The following PELI2 variants were observed in gnomAD, a reference collection of about 807,000 sequenced individuals.
PELI2 encodes the protein pellino E3 ubiquitin protein ligase family member 2, also known as E3 ubiquitin-protein ligase pellino homolog 2.
A neutral mutation model predicts 42.3 loss-of-function variants in PELI2; 23 were observed. The ratio of observed to expected loss-of-function variants is 0.54; its 90% CI spans 0.39 to 0.77. PELI2 has a LOEUF of 0.77. PELI2 is among the 30% of genes least tolerant of loss of function. The pLI is 0.00. For missense variants in PELI2, 463 were observed against 553.2 expected, an observed-to-expected ratio of 0.84 and a Z score of 1.64; for synonymous variants, 245 against 212.2, an observed-to-expected ratio of 1.15 and a Z score of -1.34.
At chr14:56,233,361 A>G (rs184258818) in intron 2 of PELI2, among the ~76,000 whole-genome samples, 19 of 152,222 alleles carry the variant, frequency 1.2e-4, no homozygotes, top group Non-Finnish European at 1.2e-4. Context: ...ACTGTACTAC[A>G]AGTTTACAGT....
chr14:56,208,421 T>G (rs1437528106), intron 2 of PELI2, among the ~76,000 whole-genome samples: 1 of 152,244 alleles, frequency 6.6e-6, no homozygotes, highest in African/African-American at 2.4e-5. Context: ...GTATTTCTAT[T>G]TCACTGGAAG....
At chr14:56,274,382 T>G (rs1040712626) in intron 2 of PELI2, among the ~76,000 whole-genome samples, 1 of 152,240 alleles carries the variant, frequency 6.6e-6, no homozygotes, top group Non-Finnish European at 1.5e-5. Context: ...GCTTTCACTT[T>G]GTGGTTGAGA....
chr14:56,267,070 G>C (rs1594699015), intron 2 of PELI2, among the ~76,000 whole-genome samples: 1 of 152,074 alleles, frequency 6.6e-6, no homozygotes, highest in Admixed American at 6.5e-5. Context: ...GGCTTTCTTA[G>C]TGATAGAAGA....
At chr14:56,223,324 G>A (rs530005659) in intron 2 of PELI2, among the ~76,000 whole-genome samples, 67 of 152,268 alleles carry the variant, frequency 4.4e-4, no homozygotes, top group African/African-American at 1.6e-3. Flanking sequence ...TGCTCTCTGG[G>A]AGAAGGACTT....
chr14:56,241,738 G>A (rs1230320492), intron 2 of PELI2, among the ~76,000 whole-genome samples: 1 of 152,056 alleles, frequency 6.6e-6, no homozygotes, highest in African/African-American at 2.4e-5. Flanking sequence ...TAAACGATCG[G>A]GAATCAAATA....
At chr14:56,220,982 T>C (rs907520949) in intron 2 of PELI2, among the ~76,000 whole-genome samples, 1 of 152,140 alleles carries the variant, frequency 6.6e-6, no homozygotes, top group Admixed American at 6.5e-5. Context: ...CACATAGCCC[T>C]CGTTTATAAG....
intron 2 of PELI2, among the ~76,000 whole-genome samples, chr14:56,224,212 C>T (rs1887258533): frequency 6.6e-6 from 1 of 152,138 alleles, no homozygotes; most frequent in African/African-American, 2.4e-5. Flanking sequence ...TTCAGGTGTC[C>T]ATCTTCAGTT....
At chr14:56,184,282 AT>A (rs1311345226) in intron 2 of PELI2, among the ~76,000 whole-genome samples, 3 of 152,084 alleles carry the variant, frequency 2.0e-5, no homozygotes, top group African/African-American at 7.2e-5. Flanking sequence ...GGACAGATTT[AT>A]TTGACAAATA....
In PELI2 at chr14:56,180,596, A is replaced by T. The variant is rs1460406009; in HGVS notation, c.207+2132A>T. 6.6e-6 allele frequency among the ~76,000 whole-genome samples: 1 copy of T among 152,204 alleles called. No homozygotes were observed. Among genetic ancestry groups the T allele is most frequent in the Non-Finnish European group, 1.5e-5 (1 of 68,036 alleles). On this transcript the variant is annotated intron_variant, in intron 2 of 5. Coordinates refer to ENST00000267460, the MANE Select transcript of PELI2 (RefSeq NM_021255.3). The surrounding 1 kb of genome is among the most constrained non-coding windows in gnomAD (Gnocchi z 4.4). ...AGGGAGATGGGCAAACTAAGAGCAG[A>T]CATATTTATTGTGAGCAGATCAACC...
intron 2 of PELI2, among the ~76,000 whole-genome samples, chr14:56,206,477 C>T (rs181226588): frequency 7.0e-4 from 107 of 151,994 alleles, no homozygotes; most frequent in African/African-American, 2.0e-3. Flanking sequence ...TCATACGAAG[C>T]GCTCCAGTAA....
intron 1 of PELI2, among the ~76,000 whole-genome samples, chr14:56,120,784 G>C (rs752459915): frequency 1.3e-5 from 2 of 152,202 alleles, no homozygotes; most frequent in Non-Finnish European, 2.9e-5. Context: ...TAAACTTGGA[G>C]AGTGACTGCT....
chr14:56,296,442 C>G (rs530714067), intron 5 of PELI2, among the ~76,000 whole-genome samples, 158 bp from the exon 6 acceptor site: 2 of 152,254 alleles, frequency 1.3e-5, no homozygotes, highest in East Asian at 3.9e-4. Context: ...AGATGAGGCT[C>G]GGGGAGGATA....
At chr14:56,189,818 A>T (rs182008086) in intron 2 of PELI2, among the ~76,000 whole-genome samples, 2 of 152,340 alleles carry the variant, frequency 1.3e-5, no homozygotes, top group Admixed American at 6.5e-5. Context: ...TACAATTTAA[A>T]TGTATCTTTG....
chr14:56,292,851 A>G, intron 5 of PELI2: 1 of 939,498 alleles, frequency 1.1e-6, no homozygotes, highest in Non-Finnish European at 1.3e-6. Flanking sequence ...TTTTTTAGCT[A>G]GTTAATGATA....
intron 2 of PELI2, among the ~76,000 whole-genome samples, chr14:56,196,172 A>G (rs1886124729): frequency 6.6e-6 from 1 of 152,248 alleles, no homozygotes; most frequent in African/African-American, 2.4e-5. Flanking sequence ...AAGGCTACAG[A>G]GAAGAGATTC....
At chr14:56,151,291 A>G (rs1291329436) in intron 1 of PELI2, among the ~76,000 whole-genome samples, 1 of 152,000 alleles carries the variant, frequency 6.6e-6, no homozygotes, top group African/African-American at 2.4e-5. Context: ...TAGCCAGTGC[A>G]TTGTTGTGCA....
chr14:56,278,854 A>G (rs527363834), intron 2 of PELI2, among the ~76,000 whole-genome samples: 1 of 152,310 alleles, frequency 6.6e-6, no homozygotes, highest in South Asian at 2.1e-4. Context: ...AAATGAAGAT[A>G]AGTTAGATTG....
At chr14:56,159,084 C>T (rs1285264759) in intron 1 of PELI2, among the ~76,000 whole-genome samples, 11 of 152,294 alleles carry the variant, frequency 7.2e-5, no homozygotes, top group African/African-American at 2.4e-4. Flanking sequence ...TCTTTAGATA[C>T]AGAGGAAGCT....
intron 2 of PELI2, among the ~76,000 whole-genome samples, chr14:56,275,066 GTTCATTCA>G (rs35868839): frequency 5.3e-5 from 8 of 151,056 alleles, no homozygotes; most frequent in South Asian, 4.2e-4. Context: ...CAGTTCATTC[GTTCATTCA>G]TTCATTCATT....
Sources: allele counts gnomAD v4.1 joint callset (sites outside exome capture counted in the v4.1 genomes callset), GRCh38; gene constraint gnomAD v4.1.1; non-coding constraint Gnocchi (gnomAD v3.1); transcripts MANE v1.5; gene names NCBI Gene and HGNC (gene_info 2026-07-23, HGNC 2026-07-21).